The following TPCN1 variants were observed in gnomAD, a reference collection of about 807,000 sequenced individuals.
The protein encoded by TPCN1 is two pore segment channel 1.
TPCN1 carries 52 observed loss-of-function variants against 108.8 expected under a neutral mutation model. That is an observed-to-expected ratio of 0.48 (90% CI 0.38 to 0.60). The LOEUF (loss-of-function observed/expected upper bound fraction) is 0.60, where lower values mean the gene tolerates loss of function less well. TPCN1 is among the 20% of genes least tolerant of loss of function. The pLI is 0.00. For synonymous variants in TPCN1, 446 were observed against 433.7 expected, an observed-to-expected ratio of 1.03 and a Z score of -0.35; for missense variants, 806 against 1,072.8, an observed-to-expected ratio of 0.75 and a Z score of 3.47.
intron 27 of TPCN1, 101 bp downstream of exon 27, chr12:113,293,450 G>A: frequency 1.8e-6 from 2 of 1,122,334 alleles, no homozygotes; most frequent in Non-Finnish European, 2.7e-6. Flanking sequence ...GAGAAGGCTG[G>A]TAGAGAGATG....
chr12:113,276,566 C>T (rs913316857), intron 10 of TPCN1, among the ~76,000 whole-genome samples: 4 of 152,184 alleles, frequency 2.6e-5, no homozygotes, highest in Admixed American at 6.5e-5. Flanking sequence ...CCAGATGCGC[C>T]CCTCTTGCTA....
Position 113,290,184 on chromosome 12 carries a change from C to G in TPCN1, c.1853C>G (p.Thr618Ser). 1 of 1,608,196 alleles carries G rather than the reference C, an allele frequency of 6.2e-7. No homozygotes were observed. Among genetic ancestry groups the G allele is most frequent in the South Asian group, 1.1e-5 (1 of 89,866 alleles). The change falls in exon 22 of 28, where the codon ACC becomes AGC. Residue 618 changes from threonine (T) to serine (S), a missense_variant. Coordinates refer to ENST00000335509, the MANE Select transcript of TPCN1 (RefSeq NM_017901.6). ...CGCAACCACACCGTGGGCAACAGGA[C>G]CGTGGTGGAGGAAGGCTACTATTAT... The part of the protein sequence containing the change: ...RWRNHTVGNR[T>S]VVEEGYYYLN...
chr12:113,231,117 A>G lies in TPCN1; in HGVS notation c.112+4153A>G, dbSNP rs1467150431. On this transcript the variant is annotated intron_variant, in intron 2 of 27. Transcript: ENST00000335509. This position sits in a 1 kb window ranked among gnomAD's most constrained non-coding sequence, Gnocchi z 4.3. ...GAACGAAGCAAGCTTTCTAAGGCTG[A>G]GTCACCATCAAGCCTGGCCTTTGTT... Among the ~76,000 whole-genome samples the G allele has an allele frequency of 6.6e-5, 10 of 152,378 alleles. No homozygotes were observed. The highest frequency in any genetic ancestry group is 5.9e-5 in the Non-Finnish European group (4 of 68,044).
chr12:113,269,659 T>G lies in TPCN1; in HGVS notation c.660-98T>G. On this transcript the variant is annotated intron_variant, in intron 6 of 27. Transcript: ENST00000335509. The surrounding 1 kb of genome is among the most constrained non-coding windows in gnomAD (Gnocchi z 5.0). ...ACCAGAGTGCGTCAGGGTTTAGTAT[T>G]TCGAGTCAGAAGCACTAGGCCTCCA... is the stretch of plus-strand genomic sequence containing the variant. The G allele has an allele frequency of 9.6e-7, 1 of 1,039,262 alleles. No homozygotes were observed. Among genetic ancestry groups the G allele is most frequent in the Non-Finnish European group, 1.4e-6 (1 of 690,980 alleles). 64.4% of individuals were successfully genotyped at this position (1,039,262 alleles called of 1,614,324 possible). A position where few individuals can be genotyped will look rare whatever the true frequency, so the allele number is the denominator to read the frequency against.
intron 11 of TPCN1, 22 bp from the exon 12 acceptor site, chr12:113,277,218 A>G (rs1593178399): frequency 6.2e-7 from 1 of 1,611,518 alleles, no homozygotes; most frequent in South Asian, 1.1e-5. Flanking sequence ...TGGGTTCCAC[A>G]CTGCTCTTCC....
chr12:113,250,260 G>T (rs1954581313), intron 2 of TPCN1, among the ~76,000 whole-genome samples: 2 of 152,218 alleles, frequency 1.3e-5, no homozygotes, highest in African/African-American at 4.8e-5. Context: ...TTGTGGCACT[G>T]CCAGCTCTCT....
intron 10 of TPCN1, among the ~76,000 whole-genome samples, chr12:113,275,119 G>C (rs1955628128): frequency 6.6e-6 from 1 of 152,182 alleles, no homozygotes; most frequent in Non-Finnish European, 1.5e-5. Flanking sequence ...TTCCGATCGA[G>C]TCCTGTGTTT....
Position 113,296,174 on chromosome 12 carries a change from A to T in TPCN1, c.*98A>T, listed in dbSNP as rs1167840224. ...GGTGTGTGTACACATACTCACGTAT[A>T]TGCACATATTTATATACAGGAAGAA... On this transcript the variant is annotated 3_prime_UTR_variant, in exon 28 of 28. Transcript: ENST00000335509. 2.0e-6 allele frequency: 3 copies of T among 1,498,396 alleles called. No individual in the cohort carries two copies. Among genetic ancestry groups the T allele is most frequent in the East Asian group, 2.3e-5 (1 of 43,636 alleles). 92.8% of individuals were successfully genotyped at this position (1,498,396 alleles called of 1,614,324 possible).
At chr12:113,243,002 G>A (rs1489672697) in intron 2 of TPCN1, among the ~76,000 whole-genome samples, 58 of 152,214 alleles carry the variant, frequency 3.8e-4, no homozygotes, top group Non-Finnish European at 5.9e-5. Flanking sequence ...ACAATGCCTG[G>A]TATACAGTAA....
At chr12:113,234,204 C>T (rs908455329) in intron 2 of TPCN1, among the ~76,000 whole-genome samples, 2 of 152,210 alleles carry the variant, frequency 1.3e-5, no homozygotes, top group Non-Finnish European at 2.9e-5. Flanking sequence ...GCTACAGTGT[C>T]ACCATCTGTG....
intron 2 of TPCN1, among the ~76,000 whole-genome samples, chr12:113,234,038 C>T (rs936659702): frequency 2.0e-4 from 30 of 152,122 alleles, no homozygotes; most frequent in African/African-American, 7.2e-4. Context: ...ACTTTTATTT[C>T]CTCCAAGGCA....
chr12:113,249,902 C>G (rs950733231), intron 2 of TPCN1: 1 of 152,274 alleles, frequency 6.6e-6, no homozygotes, highest in African/African-American at 2.4e-5. Flanking sequence ...AGCCCCCGGA[C>G]AAGCTGACCA....
Position 113,276,974 on chromosome 12 carries a change from CTT to C in TPCN1, c.1000_1001del (p.Leu334AlafsTer30). On this transcript the variant is annotated frameshift_variant, in exon 11 of 28. Transcript: ENST00000335509. LOFTEE classifies it high-confidence loss of function. The stretch of plus-strand genomic sequence containing the variant: ...GACATTGAGAAACGCAAGTTCAAGT[CTT>C]TGCTACTGCACAAGCGAACCGCTAT... 1 of 1,614,122 alleles carries C rather than the reference CTT, an allele frequency of 6.2e-7. No individual in the cohort carries two copies. Among genetic ancestry groups the C allele is most frequent in the Admixed American group, 1.7e-5 (1 of 60,032 alleles).
rs1955572408 is a variant in TPCN1, at chr12:113,273,474, G to T, written c.843-95G>T. On this transcript the variant is annotated intron_variant, in intron 9 of 27. Transcript: ENST00000335509. The surrounding 1 kb of genome is among the most constrained non-coding windows in gnomAD (Gnocchi z 4.0). ...TAGGGGAACCAGGGTTGGAGGCTGG[G>T]AAGGCAGACAAGGAGCTGTCCTCTG... The T allele has an allele frequency of 7.7e-7, 1 of 1,301,802 alleles. No homozygotes were observed. Among genetic ancestry groups the T allele is most frequent in the Non-Finnish European group, 1.1e-6 (1 of 896,908 alleles). 80.6% of individuals were successfully genotyped at this position (1,301,802 alleles called of 1,614,324 possible). A position where few individuals can be genotyped will look rare whatever the true frequency, so the allele number is the denominator to read the frequency against.
At position 113,226,915 on chromosome 12, in the gene TPCN1, C is replaced by T; in HGVS notation, c.63C>T (p.Ala21=). ...TGACCTTGGATGAGGGTGGCAGTGC[C>T]CCACTGGCTCCCTCCAACGGCCTGG... is the stretch of plus-strand genomic sequence containing the variant. The part of the protein sequence containing the change: ...LILTLDEGGS[A]PLAPSNGLGQ... The change falls in exon 2 of 28, where the codon GCC becomes GCT. Residue 21 remains alanine (A), a synonymous_variant. Transcript: ENST00000335509. The T allele has an allele frequency of 5.0e-6, 8 of 1,614,118 alleles. No homozygotes were observed. The highest frequency in any genetic ancestry group is 6.8e-6 in the Non-Finnish European group (8 of 1,180,030).
At chr12:113,238,291 G>A (rs553926500) in intron 2 of TPCN1, among the ~76,000 whole-genome samples, 2 of 152,304 alleles carry the variant, frequency 1.3e-5, no homozygotes, top group East Asian at 3.9e-4. Flanking sequence ...AGAGCATCAT[G>A]TTACTGCAGC....
At chr12:113,274,719 G>A (rs555981253) in intron 10 of TPCN1, among the ~76,000 whole-genome samples, 2 of 152,178 alleles carry the variant, frequency 1.3e-5, no homozygotes, top group South Asian at 2.1e-4. Context: ...AAACACAACC[G>A]TGGAGGTAGT....
intron 2 of TPCN1, among the ~76,000 whole-genome samples, chr12:113,240,161 A>T (rs1954053982): frequency 6.6e-6 from 1 of 152,206 alleles, no homozygotes; most frequent in South Asian, 2.1e-4. Context: ...TATGAGTGCT[A>T]AAGTCCACTC....
At chr12:113,278,136 C>T (rs1218842775) in intron 12 of TPCN1, 53 bp from the exon 13 acceptor site, 3 of 1,529,470 alleles carry the variant, frequency 2.0e-6, no homozygotes, top group East Asian at 4.5e-5. Flanking sequence ...AGAAGCAAAG[C>T]ACAGTGGAAC....
Sources: gnomAD v4.1 joint callset for allele counts (sites outside exome capture counted in the v4.1 genomes callset) on GRCh38, gnomAD v4.1.1 for gene constraint, Gnocchi (gnomAD v3.1) non-coding constraint, MANE v1.5 for transcripts, NCBI Gene and HGNC (gene_info 2026-07-23, HGNC 2026-07-21) for gene names.